FRMD4A: variants seen among roughly 807,000 people sequenced by gnomAD.
FRMD4A encodes the protein FERM domain-containing protein 4A.
FRMD4A carries 29 observed loss-of-function variants against 129.1 expected under a neutral mutation model. The observed-to-expected ratio is 0.22, with a 90% CI of 0.17 to 0.31. The LOEUF (loss-of-function observed/expected upper bound fraction) is 0.31, where lower values mean the gene tolerates loss of function less well. Ranked by LOEUF, FRMD4A falls within the 10% of genes least tolerant of loss-of-function variation. The probability of loss-of-function intolerance (pLI) is 1.00; values close to 1 mark genes in which losing one functional copy is unlikely to be tolerated. For synonymous variants in FRMD4A, 634 were observed against 571.6 expected (o/e 1.11, Z -1.56); for missense variants, 1,272 against 1,375.8 (o/e 0.92, Z 1.19).
intron 2 of FRMD4A, among the ~76,000 whole-genome samples, chr10:13,928,050 T>A (rs2095154021): frequency 6.9e-6 from 1 of 144,690 alleles, no homozygotes; most frequent in Admixed American, 7.2e-5. Context: ...AGACAGGGTC[T>A]CACTCTATTG....
At chr10:13,978,138 T>C (rs1156319678) in intron 2 of FRMD4A, among the ~76,000 whole-genome samples, 3 of 152,238 alleles carry the variant, frequency 2.0e-5, no homozygotes, top group African/African-American at 7.2e-5. Flanking sequence ...CCAATTTCTC[T>C]ACCTCCTTGC....
intron 3 of FRMD4A, among the ~76,000 whole-genome samples, chr10:13,819,993 G>C (rs538353969): frequency 1.3e-5 from 2 of 152,248 alleles, no homozygotes; most frequent in South Asian, 4.1e-4. Context: ...CAAGGTCCTG[G>C]GATATATTGC....
intron 12 of FRMD4A, chr10:13,707,370 G>A: frequency 8.5e-7 from 1 of 1,175,748 alleles, no homozygotes; most frequent in Non-Finnish European, 1.1e-6. Context: ...TTCTTTTCAA[G>A]TTCTCCGCCT....
At chr10:14,322,583 G>T (rs1843104303) in intron 2 of FRMD4A, among the ~76,000 whole-genome samples, 1 of 152,162 alleles carries the variant, frequency 6.6e-6, no homozygotes, top group African/African-American at 2.4e-5. Context: ...CTACCATTCA[G>T]GAAATTGCTT....
intron 2 of FRMD4A, among the ~76,000 whole-genome samples, chr10:14,118,803 C>A (rs1838338202): frequency 6.6e-6 from 1 of 152,140 alleles, no homozygotes; most frequent in Admixed American, 6.5e-5. Context: ...CTCCCCTTGG[C>A]CCCACCCTTG....
At chr10:14,085,228 C>T (rs149140521) in intron 2 of FRMD4A, among the ~76,000 whole-genome samples, 54 of 152,272 alleles carry the variant, frequency 3.5e-4, no homozygotes, top group African/African-American at 1.1e-3. Flanking sequence ...GAGATGAAGA[C>T]GCACAACTGA....
rs112317928 is a variant in FRMD4A at position 14,296,470 on chromosome 10, A to G, written c.45+33588T>C. Among the ~76,000 whole-genome samples the G allele has an allele frequency of 2.9e-3, 435 of 152,190 alleles. 3 individuals are homozygous for G. Among genetic ancestry groups the G allele is most frequent in the African/African-American group, 9.9e-3 (410 of 41,532 alleles). ...TCCAGTGGTCATGTTTCTGACCCCC[A>G]TGCCTTTGTGACTCGCCTCCAAACT... On this transcript the variant is annotated intron_variant, in intron 2 of 24. Transcript: ENST00000357447.
At chr10:14,183,860 T>C (rs971851918) in intron 2 of FRMD4A, among the ~76,000 whole-genome samples, 16 of 152,248 alleles carry the variant, frequency 1.1e-4, no homozygotes, top group African/African-American at 3.9e-4. Context: ...ATGATTTTTC[T>C]GACTCAGTAC....
At chr10:13,719,548 A>G (rs1023620244) in intron 12 of FRMD4A, among the ~76,000 whole-genome samples, 1 of 152,176 alleles carries the variant, frequency 6.6e-6, no homozygotes, top group African/African-American at 2.4e-5. Flanking sequence ...AGTTGGGCAC[A>G]GCATGTTCTG....
intron 2 of FRMD4A, among the ~76,000 whole-genome samples, chr10:13,973,829 C>G (rs11813377): frequency 6.6e-6 from 1 of 151,918 alleles, no homozygotes; most frequent in Admixed American, 6.6e-5. Context: ...GCATACAGTA[C>G]GCAGAAAATG....
At chr10:14,018,132 G>C (rs912824994) in intron 2 of FRMD4A, among the ~76,000 whole-genome samples, 1 of 152,028 alleles carries the variant, frequency 6.6e-6, no homozygotes, top group African/African-American at 2.4e-5. Flanking sequence ...TTCTGTCTGT[G>C]AGAACAAGGG....
chr10:13,726,524 A>T (rs2089906844), intron 12 of FRMD4A, among the ~76,000 whole-genome samples: 1 of 152,216 alleles, frequency 6.6e-6, no homozygotes, highest in African/African-American at 2.4e-5. Context: ...AGTGGGCCTT[A>T]AGCTCCACTG....
At chr10:14,189,234 A>G (rs1237094990) in intron 2 of FRMD4A, among the ~76,000 whole-genome samples, 1 of 152,166 alleles carries the variant, frequency 6.6e-6, no homozygotes, top group East Asian at 1.9e-4. Flanking sequence ...CCCAATAGCA[A>G]AATGCCAGAA....
At chr10:13,747,850 AC>A in intron 8 of FRMD4A, 31 bp from the exon 9 acceptor site, 1 of 1,239,254 alleles carries the variant, frequency 8.1e-7, no homozygotes, top group African/African-American at 1.5e-5. Flanking sequence ...AAACGCACTC[AC>A]CCTCTGAGAA....
At chr10:13,731,374 C>T (rs1046649161) in intron 12 of FRMD4A, among the ~76,000 whole-genome samples, 3 of 152,230 alleles carry the variant, frequency 2.0e-5, no homozygotes, top group East Asian at 1.9e-4. Flanking sequence ...CTTGGCCGGG[C>T]GCAGTGGCTC....
intron 2 of FRMD4A, among the ~76,000 whole-genome samples, chr10:14,296,421 C>T (rs1222107928): frequency 6.6e-6 from 1 of 152,180 alleles, no homozygotes; most frequent in Non-Finnish European, 1.5e-5. Flanking sequence ...GCCCTTGCCT[C>T]TCTCAAGCCT....
chr10:13,992,111 C>A (rs919910156), intron 2 of FRMD4A: 4 of 152,138 alleles, frequency 2.6e-5, no homozygotes, highest in Non-Finnish European at 4.4e-5. Context: ...TTTGAAAAAG[C>A]CTCAGAAGCG....
chr10:14,092,119 A>G (rs1185727778), intron 2 of FRMD4A, among the ~76,000 whole-genome samples: 1 of 152,158 alleles, frequency 6.6e-6, no homozygotes, highest in African/African-American at 2.4e-5. Context: ...CAGCAAGTTA[A>G]CCAGGTGGGG....
At chr10:13,916,923 C>T (rs192236412) in intron 2 of FRMD4A, among the ~76,000 whole-genome samples, 1 of 152,234 alleles carries the variant, frequency 6.6e-6, no homozygotes, top group East Asian at 1.9e-4. Flanking sequence ...AGTGGCCGAG[C>T]ACATTTAAAA....
Sources: gnomAD v4.1 joint callset for allele counts (sites outside exome capture counted in the v4.1 genomes callset) on GRCh38, gnomAD v4.1.1 for gene constraint, MANE v1.5 for transcripts, NCBI Gene and HGNC (gene_info 2026-07-23, HGNC 2026-07-21) for gene names.